The following SLIT3 variants were observed in gnomAD, a reference collection of about 807,000 sequenced individuals.
The protein encoded by SLIT3 is slit guidance ligand 3.
SLIT3 carries 68 observed loss-of-function variants against 184.0 expected under a neutral mutation model. The observed-to-expected ratio is 0.37, with a 90% CI of 0.30 to 0.45. The LOEUF (loss-of-function observed/expected upper bound fraction) is 0.45. Among genes scored for constraint, SLIT3 ranks in the 20% least tolerant of loss-of-function variants. SLIT3 has a pLI of 1.00. For missense variants in SLIT3, 1,707 were observed against 2,026.0 expected, an observed-to-expected ratio of 0.84 and a Z score of 3.02; for synonymous variants, 831 against 828.6, an observed-to-expected ratio of 1.00 and a Z score of -0.05.
chr5:168,759,249 T>C (rs1198846166), intron 16 of SLIT3, among the ~76,000 whole-genome samples: 1 of 152,162 alleles, frequency 6.6e-6, no homozygotes, highest in Non-Finnish European at 1.5e-5. Context: ...CTTAGGGAAA[T>C]ACAAGATTAG....
At chr5:168,725,158 T>G (rs1763068760) in intron 20 of SLIT3, among the ~76,000 whole-genome samples, 1 of 151,970 alleles carries the variant, frequency 6.6e-6, no homozygotes, top group Non-Finnish European at 1.5e-5. Flanking sequence ...GGGTTCAGAG[T>G]GAGGTTGCAC....
intron 4 of SLIT3, among the ~76,000 whole-genome samples, chr5:168,952,545 AAAAG>A (rs1348509685): frequency 3.7e-5 from 5 of 135,206 alleles, no homozygotes; most frequent in Admixed American, 7.3e-5. Context: ...AAAAAAAAAA[AAAAG>A]AGGGGAGAAG....
intron 4 of SLIT3, among the ~76,000 whole-genome samples, chr5:169,093,618 A>G (rs1329968387): frequency 6.6e-6 from 1 of 152,188 alleles, no homozygotes; most frequent in Non-Finnish European, 1.5e-5. Context: ...GAGTTTTACA[A>G]TAGAGTAGCT....
chr5:168,760,954 T>G lies in SLIT3; in HGVS notation c.1611-18A>C. On this transcript the variant is annotated intron_variant, in intron 15 of 35. Coordinates refer to ENST00000519560, the MANE Select transcript of SLIT3 (RefSeq NM_003062.4). ...TCAGTCGCCTGTGTAGGAAGCAAGATGAGTGGTAGGTTAGCTGTGGACGAG... is the reference window on the plus strand; with the variant it reads ...TCAGTCGCCTGTGTAGGAAGCAAGAGGAGTGGTAGGTTAGCTGTGGACGAG... 1 of 1,601,180 alleles carries G rather than the reference T, an allele frequency of 6.2e-7. No individual in the cohort carries two copies. Among genetic ancestry groups the G allele is most frequent in the Non-Finnish European group, 8.6e-7 (1 of 1,168,376 alleles).
At chr5:168,964,365 T>TG (rs1388320182) in intron 4 of SLIT3, among the ~76,000 whole-genome samples, 1 of 152,242 alleles carries the variant, frequency 6.6e-6, no homozygotes, top group Non-Finnish European at 1.5e-5. Context: ...GTAAGTTTCC[T>TG]GGATGAATTA....
chr5:169,140,204 C>A (rs1201983681), intron 4 of SLIT3, among the ~76,000 whole-genome samples: 2 of 150,508 alleles, frequency 1.3e-5, no homozygotes, highest in Non-Finnish European at 2.9e-5. Flanking sequence ...GTGGCTCACG[C>A]CTGTAATCCC....
At chr5:169,031,119 G>C (rs1333915547) in intron 4 of SLIT3, among the ~76,000 whole-genome samples, 1 of 152,144 alleles carries the variant, frequency 6.6e-6, no homozygotes, top group Non-Finnish European at 1.5e-5. Flanking sequence ...GTGGCTTCAG[G>C]ATAATATCCT....
chr5:169,098,678 C>T (rs1423573950), intron 4 of SLIT3, among the ~76,000 whole-genome samples: 1 of 152,152 alleles, frequency 6.6e-6, no homozygotes, highest in Non-Finnish European at 1.5e-5. Flanking sequence ...ACAAATGTGT[C>T]AAATGACAGG....
intron 35 of SLIT3, among the ~76,000 whole-genome samples, chr5:168,667,364 A>T (rs978159726): frequency 6.6e-6 from 1 of 152,264 alleles, no homozygotes; most frequent in Non-Finnish European, 1.5e-5. Flanking sequence ...ATGTTTTTGT[A>T]TGCTATAAGA....
At chr5:169,166,406 T>C (rs1275273586) in intron 4 of SLIT3, among the ~76,000 whole-genome samples, 1 of 152,104 alleles carries the variant, frequency 6.6e-6, no homozygotes, top group African/African-American at 2.4e-5. Flanking sequence ...GTGGAGATCA[T>C]CTTGAGCAAT....
At chr5:169,157,914 T>C (rs1280890199) in intron 4 of SLIT3, among the ~76,000 whole-genome samples, 2 of 149,756 alleles carry the variant, frequency 1.3e-5, no homozygotes, top group African/African-American at 2.5e-5. Flanking sequence ...AAATTGAGTG[T>C]AGAACAATAA....
chr5:169,223,020 G>C (rs774237075), intron 3 of SLIT3, among the ~76,000 whole-genome samples: 5 of 152,202 alleles, frequency 3.3e-5, no homozygotes, highest in Non-Finnish European at 7.3e-5. Context: ...ACAGTTCAAA[G>C]GGGCACTGTG....
At chr5:168,992,692 C>T (rs1755369416) in intron 4 of SLIT3, among the ~76,000 whole-genome samples, 1 of 152,152 alleles carries the variant, frequency 6.6e-6, no homozygotes, top group Non-Finnish European at 1.5e-5. Context: ...GTCCCCCTGC[C>T]CCAGTCCCTG....
chr5:169,166,673 A>G (rs185930226), intron 4 of SLIT3, among the ~76,000 whole-genome samples: 1 of 152,326 alleles, frequency 6.6e-6, no homozygotes, highest in Admixed American at 6.5e-5. Flanking sequence ...TCCTAATGCT[A>G]CAGGCCTCAT....
intron 26 of SLIT3, chr5:168,706,485 C>G (rs1762374815): frequency 6.6e-6 from 1 of 152,072 alleles, no homozygotes; most frequent in Admixed American, 6.6e-5. Context: ...CTCTATTCTC[C>G]CCTCCTATTA....
At chr5:169,211,448 G>A (rs1400742245) in intron 3 of SLIT3, among the ~76,000 whole-genome samples, 1 of 151,898 alleles carries the variant, frequency 6.6e-6, no homozygotes, top group South Asian at 2.1e-4. Flanking sequence ...GCTTACAATG[G>A]GCCATATATC....
At chr5:168,897,712 C>A (rs1760730722) in intron 4 of SLIT3, among the ~76,000 whole-genome samples, 1 of 133,360 alleles carries the variant, frequency 7.5e-6, no homozygotes, top group African/African-American at 2.6e-5. Context: ...GCTGAGAGAA[C>A]AAAAGGGAAA....
At chr5:169,240,921 T>C (rs1338342522) in intron 3 of SLIT3, among the ~76,000 whole-genome samples, 1 of 151,906 alleles carries the variant, frequency 6.6e-6, no homozygotes, top group Non-Finnish European at 1.5e-5. Flanking sequence ...AACATACATC[T>C]TTGACTTAAT....
intron 22 of SLIT3, among the ~76,000 whole-genome samples, chr5:168,722,559 C>T (rs1031009927): frequency 3.3e-5 from 5 of 152,184 alleles, no homozygotes; most frequent in African/African-American, 1.2e-4. Context: ...CCAGCTTGTT[C>T]GTCACCTCTC....
Sources: allele counts gnomAD v4.1 joint callset (sites outside exome capture counted in the v4.1 genomes callset), GRCh38; gene constraint gnomAD v4.1.1; transcripts MANE v1.5; gene names NCBI Gene and HGNC (gene_info 2026-07-23, HGNC 2026-07-21).